Variants in MYH11 observed in about 807,000 individuals in gnomAD.
MYH11 encodes the protein myosin-11.
Under a neutral mutation model 246.6 loss-of-function variants are expected in MYH11, and 80 were observed. That is an observed-to-expected ratio of 0.32 (90% CI 0.27 to 0.39). MYH11 has a LOEUF of 0.39. MYH11 is among the 10% of genes least tolerant of loss of function. The pLI, the probability that MYH11 is intolerant of heterozygous loss-of-function variation, is 1.00. For synonymous variants in MYH11, 1,071 were observed against 1,015.5 expected, an observed-to-expected ratio of 1.05 and a Z score of -1.04; for missense variants, 2,158 against 2,546.8, an observed-to-expected ratio of 0.85 and a Z score of 3.29.
At chr16:15,772,087 CTTT>C (rs35008322) in intron 8 of MYH11, among the ~76,000 whole-genome samples, 3 of 105,954 alleles carry the variant, frequency 2.8e-5, no homozygotes, top group Admixed American at 1.2e-4. Context: ...AACCTTTACT[CTTT>C]TTTTTTTTTT....
rs759155353 is a variant in MYH11, at chr16:15,737,528, C to T, written c.3214G>A (p.Ala1072Thr). ...GDASDFHEQIADLQAQIAELK... is the reference protein window; with the variant it reads ...GDASDFHEQITDLQAQIAELK... ...TCTGCGATCTGCGCCTGGAGGTCAG[C>T]GATCTGCTCGTGGAAGTCGCTGGCA... is the stretch of plus-strand genomic sequence containing the variant. The change falls in exon 25 of 41, where the codon GCT (alanine) becomes ACT (threonine). Residue 1072 changes from alanine to threonine, a missense_variant. Ala to Thr is a moderately conservative substitution (Grantham distance 58). Transcript: ENST00000300036. 1.3e-5 allele frequency: 21 copies of T among 1,613,992 alleles called. No individual in the cohort carries two copies. The highest frequency in any genetic ancestry group is 9.3e-5 in the African/African-American group (7 of 75,054).
At chr16:15,711,456 TATC>T (rs2039789422) in intron 40 of MYH11, among the ~76,000 whole-genome samples, 1 of 152,224 alleles carries the variant, frequency 6.6e-6, no homozygotes, top group Admixed American at 6.5e-5. Context: ...ATACTATTTT[TATC>T]ATATTACTTT....
intron 3 of MYH11, among the ~76,000 whole-genome samples, chr16:15,800,947 T>C (rs909852339): frequency 3.3e-5 from 5 of 152,156 alleles, no homozygotes; most frequent in African/African-American, 1.2e-4. Flanking sequence ...GGCTCATGCC[T>C]GTAATCTCAC....
intron 3 of MYH11, among the ~76,000 whole-genome samples, chr16:15,801,534 A>T (rs1394540447): frequency 6.6e-6 from 1 of 151,540 alleles, no homozygotes; most frequent in African/African-American, 2.4e-5. Context: ...TGATAGACAT[A>T]CCCCTTGTCC....
In MYH11 at chr16:15,820,248, G is replaced by A. The variant is rs1028969346; in HGVS notation, c.502+3007C>T. ...TCCCAGCACTATGGGAGGCTGAGGCGGGCAGATCACAATGTCAGGAGATCG... is the reference window on the plus strand; with the variant it reads ...TCCCAGCACTATGGGAGGCTGAGGCAGGCAGATCACAATGTCAGGAGATCG... On this transcript the variant is annotated intron_variant, in intron 3 of 40. Coordinates refer to ENST00000300036, the MANE Select transcript of MYH11 (RefSeq NM_002474.3). Among the ~76,000 whole-genome samples the A allele has an allele frequency of 1.1e-4, 16 of 152,012 alleles. 1 individual carries two copies. The highest frequency in any genetic ancestry group is 2.9e-4 in the African/African-American group (12 of 41,396).
At chr16:15,747,105 GAAGA>G (rs1385160090) in intron 19 of MYH11, among the ~76,000 whole-genome samples, 2 of 151,822 alleles carry the variant, frequency 1.3e-5, no homozygotes, top group African/African-American at 2.4e-5. Flanking sequence ...CAAAAAGGAA[GAAGA>G]AAGGAAGGAA....
chr16:15,727,068 C>G lies in MYH11; in HGVS notation c.3652-14G>C, dbSNP rs760789288. 9 of 1,612,320 alleles carry G rather than the reference C, an allele frequency of 5.6e-6. No individual in the cohort carries two copies. Among genetic ancestry groups the G allele is most frequent in the Admixed American group, 1.7e-5 (1 of 59,980 alleles). On this transcript the variant is annotated splice_polypyrimidine_tract_variant and intron_variant, in intron 27 of 40. Transcript: ENST00000300036. ...GTTCGCCTTGGCCTGGCGAAGGAAG[C>G]AGAGGGGAGGGATAACAGGGAGGCT...
intron 11 of MYH11, among the ~76,000 whole-genome samples, 183 bp downstream of exon 11, chr16:15,760,349 AATGGATGG>A (rs61612274): frequency 1.3e-5 from 2 of 151,550 alleles, no homozygotes; most frequent in African/African-American, 2.4e-5. Context: ...TGGGCAGATG[AATGGATGG>A]ATGGATGGAT....
chr16:15,757,014 G>A (rs34509256), intron 13 of MYH11, among the ~76,000 whole-genome samples: 69,670 of 150,582 alleles, frequency 0.46, 17,573 homozygotes, highest in East Asian at 0.67. Context: ...TAGCCAGGAT[G>A]GTCTCCATCT....
At position 15,750,035 on chromosome 16, in the gene MYH11, G is replaced by T; in HGVS notation, c.2058+103C>A. The T allele has an allele frequency of 7.4e-7, 1 of 1,360,276 alleles. No homozygotes were observed. Among genetic ancestry groups the T allele is most frequent in the Non-Finnish European group, 1.0e-6 (1 of 971,522 alleles). The allele number at this position is 1,360,276 out of a possible 1,614,324, so 84.3% of individuals were successfully genotyped here. On this transcript the variant is annotated intron_variant, in intron 16 of 40. Coordinates refer to ENST00000300036, the MANE Select transcript of MYH11 (RefSeq NM_002474.3). This position sits in a 1 kb window ranked among gnomAD's most constrained non-coding sequence, Gnocchi z 4.3. Reference sequence around the variant, plus strand: ...ATAGCCTTCCCCACATGGAAAATGGGGTCCTCGGGGTAGGTGGGGGCAGAG... The same window carrying T: ...ATAGCCTTCCCCACATGGAAAATGGTGTCCTCGGGGTAGGTGGGGGCAGAG...
chr16:15,712,687 A>C (rs12051525), intron 40 of MYH11, among the ~76,000 whole-genome samples: 3 of 152,092 alleles, frequency 2.0e-5, no homozygotes, highest in South Asian at 2.1e-4. Context: ...GGACAACCCC[A>C]CAGGTCGGGG....
rs770225374 is a variant in MYH11 at position 15,837,898 on chromosome 16, C to A, written c.345+10G>T. The A allele has an allele frequency of 1.9e-6, 3 of 1,612,106 alleles. No homozygotes were observed. Among genetic ancestry groups the A allele is most frequent in the African/African-American group, 1.3e-5 (1 of 74,866 alleles). On this transcript the variant is annotated intron_variant, in intron 2 of 40. Transcript: ENST00000300036. The stretch of plus-strand genomic sequence containing the variant: ...CCAGGAGTAGGTACCTGGCTGCCTG[C>A]AATACTCACATATATTAGCCCTGAG...
At chr16:15,799,442 C>T (rs2042829934) in intron 3 of MYH11, among the ~76,000 whole-genome samples, 1 of 152,186 alleles carries the variant, frequency 6.6e-6, no homozygotes, top group Non-Finnish European at 1.5e-5. Context: ...AGTGTTCCCA[C>T]TGCAACTGTG....
intron 10 of MYH11, among the ~76,000 whole-genome samples, chr16:15,761,307 T>G (rs1567737690): frequency 6.6e-6 from 1 of 152,116 alleles, no homozygotes; most frequent in Non-Finnish European, 1.5e-5. Context: ...GAGATGGAGT[T>G]ACACCGTGTT....
At chr16:15,714,216 C>A (rs1342467167) in intron 40 of MYH11, 4 of 153,742 alleles carry the variant, frequency 2.6e-5, no homozygotes, top group African/African-American at 9.7e-5. Context: ...CAGGGGGGAC[C>A]CCCAAGGTAC....
intron 3 of MYH11, among the ~76,000 whole-genome samples, chr16:15,813,422 G>A (rs1196239954): frequency 2.6e-5 from 4 of 151,974 alleles, no homozygotes; most frequent in Non-Finnish European, 5.9e-5. Context: ...TATGACATAT[G>A]CCTGCACCTT....
chr16:15,740,610 C>CAA lies in MYH11; in HGVS notation c.2860-424_2860-423dup, dbSNP rs576634565. ...TAGGCAAGAGAGTGAGACTCTGTCTCAAAAAAAAAAAAAAAATAAAGACCT... is the reference window on the plus strand; with the variant it reads ...TAGGCAAGAGAGTGAGACTCTGTCTCAAAAAAAAAAAAAAAAAATAAAGACCT... On this transcript the variant is annotated intron_variant, in intron 22 of 40. Transcript: ENST00000300036. Among the ~76,000 whole-genome samples the CAA allele has an allele frequency of 8.1e-5, 9 of 110,504 alleles. No homozygotes were observed. In the South Asian group the frequency reaches 1.5e-3, roughly 18 times the overall value. 72.5% of individuals were successfully genotyped at this position (110,504 alleles called of 152,430 possible).
intron 6 of MYH11, chr16:15,779,140 T>C: frequency 2.0e-6 from 1 of 493,908 alleles, no homozygotes; most frequent in Non-Finnish European, 3.7e-6. Flanking sequence ...AACTTATTTA[T>C]TTATTAGAGA....
At chr16:15,716,243 G>A (rs1281601096) in intron 38 of MYH11, among the ~76,000 whole-genome samples, 2 of 152,082 alleles carry the variant, frequency 1.3e-5, no homozygotes, top group Middle Eastern at 3.2e-3. Flanking sequence ...TGGGGTTTCT[G>A]TTTGAGCCGA....
Sources: gnomAD v4.1 joint callset for allele counts (sites outside exome capture counted in the v4.1 genomes callset) on GRCh38, gnomAD v4.1.1 for gene constraint, Gnocchi (gnomAD v3.1) non-coding constraint, MANE v1.5 for transcripts, NCBI Gene and HGNC (gene_info 2026-07-23, HGNC 2026-07-21) for gene names.